The following CACNA1C variants were observed in gnomAD, a reference collection of about 807,000 sequenced individuals.
CACNA1C encodes the protein calcium voltage-gated channel subunit alpha1 C.
In CACNA1C, 30 loss-of-function variants were observed where a neutral mutation model predicts 229.0. The ratio of observed to expected loss-of-function variants is 0.13; its 90% CI spans 0.10 to 0.18. CACNA1C has a LOEUF of 0.18. Among genes scored for constraint, CACNA1C ranks in the 10% least tolerant of loss-of-function variants. CACNA1C has a pLI of 1.00. For synonymous variants in CACNA1C, 1,114 were observed against 1,132.5 expected, an observed-to-expected ratio of 0.98 and a Z score of 0.33; for missense variants, 1,658 against 2,845.0, an observed-to-expected ratio of 0.58 and a Z score of 9.49.
At chr12:2,583,030 G>C in intron 15 of CACNA1C, 88 bp downstream of exon 15, 1 of 978,226 alleles carries the variant, frequency 1.0e-6, no homozygotes, top group Non-Finnish European at 1.6e-6. Context: ...TCAGGTCCGG[G>C]CGGTCCTGCT....
chr12:2,157,007 CAATT>C (rs1385462862), intron 3 of CACNA1C, among the ~76,000 whole-genome samples: 12 of 152,134 alleles, frequency 7.9e-5, no homozygotes, highest in Admixed American at 7.9e-4. Context: ...AATTGAGACA[CAATT>C]AAACTTGCAG....
chr12:2,286,581 G>A (rs1457898480), intron 3 of CACNA1C, among the ~76,000 whole-genome samples: 1 of 152,178 alleles, frequency 6.6e-6, no homozygotes, highest in Non-Finnish European at 1.5e-5. Flanking sequence ...AGGTCTGTGA[G>A]GTTCATTCGG....
At chr12:2,194,250 GCCTCCTCCTCCTCCT>G (rs56198094) in intron 3 of CACNA1C, among the ~76,000 whole-genome samples, 1 of 133,678 alleles carries the variant, frequency 7.5e-6, no homozygotes, top group East Asian at 2.2e-4. Flanking sequence ...CTCCTCCACT[GCCTCCTCCTCCTCCT>G]CCTCCTCCTC....
In CACNA1C at chr12:2,021,373, G is replaced by A. The variant is rs551845499; in HGVS notation, c.139+50172G>A. 1.1e-4 allele frequency among the ~76,000 whole-genome samples: 16 copies of A among 152,200 alleles called. No homozygotes were observed. The South Asian group carries it at 3.3e-3, about 32-fold the overall frequency. ...TGCTATACCAGAAACCCGAGACTGG[G>A]TAATTTATAAAGACACTCATTTTTG... is the stretch of plus-strand genomic sequence containing the variant. On this transcript the variant is annotated intron_variant, in intron 1 of 46. Coordinates refer to the CACNA1C transcript ENST00000682462.
At chr12:2,416,605 T>C (rs978782944) in intron 3 of CACNA1C, among the ~76,000 whole-genome samples, 1 of 152,214 alleles carries the variant, frequency 6.6e-6, no homozygotes, top group Non-Finnish European at 1.5e-5. Flanking sequence ...CTCCAGACTC[T>C]GGGCTCAACC....
chr12:2,667,252 C>CA (rs61127879), intron 37 of CACNA1C, among the ~76,000 whole-genome samples: 12 of 151,870 alleles, frequency 7.9e-5, no homozygotes, highest in Non-Finnish European at 1.5e-4. Flanking sequence ...GTGTCGTTTC[C>CA]TTTTCTCCCT....
chr12:2,055,865 G>T (rs1425348760), intron 1 of CACNA1C, among the ~76,000 whole-genome samples: 2 of 152,198 alleles, frequency 1.3e-5, no homozygotes, highest in Non-Finnish European at 2.9e-5. Flanking sequence ...TGCCGAGGTT[G>T]TTGGGGTAGG....
chr12:2,671,090 C>A (rs2153738601), intron 38 of CACNA1C, among the ~76,000 whole-genome samples: 1 of 151,666 alleles, frequency 6.6e-6, no homozygotes, highest in East Asian at 2.0e-4. Flanking sequence ...TCTCGGCCTG[C>A]TGCAACCTCT....
intron 1 of CACNA1C, among the ~76,000 whole-genome samples, chr12:2,030,789 A>G (rs1317890455): frequency 6.6e-6 from 1 of 152,242 alleles, no homozygotes; most frequent in Non-Finnish European, 1.5e-5. Context: ...CACATTCCAC[A>G]GGCCTGAAGG....
chr12:2,262,846 C>T (rs1382325567), intron 3 of CACNA1C, among the ~76,000 whole-genome samples: 1 of 152,168 alleles, frequency 6.6e-6, no homozygotes, highest in African/African-American at 2.4e-5. Context: ...AGCTACTATT[C>T]AGTCAACAAA....
Position 2,410,242 on chromosome 12 carries a change from G to A in CACNA1C, c.478-38734G>A, listed in dbSNP as rs1156440378. On this transcript the variant is annotated intron_variant, in intron 3 of 46. Coordinates refer to ENST00000399655, the MANE Select transcript of CACNA1C (RefSeq NM_000719.7). This position sits in a 1 kb window ranked among gnomAD's most constrained non-coding sequence, Gnocchi z 5.3. ...TGATGCCTATGGCGACCGCAGAATC[G>A]ACCTCAACGAGCTCGTCGCCGGGCA... Among the ~76,000 whole-genome samples the A allele has an allele frequency of 2.0e-5, 3 of 152,088 alleles. No homozygotes were observed. Among genetic ancestry groups the A allele is most frequent in the Middle Eastern group, 3.2e-3 (1 of 316 alleles).
At chr12:2,506,157 G>T (rs553703030) in intron 8 of CACNA1C, among the ~76,000 whole-genome samples, 2 of 152,288 alleles carry the variant, frequency 1.3e-5, no homozygotes, top group African/African-American at 4.8e-5. Context: ...CTTTTGCTAA[G>T]GTGAGGCCAC....
At chr12:2,170,286 A>G (rs2096421753) in intron 3 of CACNA1C, among the ~76,000 whole-genome samples, 3 of 152,200 alleles carry the variant, frequency 2.0e-5, no homozygotes, top group African/African-American at 7.2e-5. Flanking sequence ...GATCAGGGTT[A>G]TGAAAAAAGG....
chr12:2,163,147 G>A (rs190440789), intron 3 of CACNA1C, among the ~76,000 whole-genome samples: 2 of 148,728 alleles, frequency 1.3e-5, no homozygotes, highest in Non-Finnish European at 1.5e-5. Context: ...ACCGTGAGCC[G>A]AGCCGAGATC....
chr12:2,067,447 C>T lies in CACNA1C; in HGVS notation c.49+13836C>T, dbSNP rs1020445665. Among the ~76,000 whole-genome samples the T allele has an allele frequency of 7.3e-5, 4 of 54,716 alleles. No homozygotes were observed. The highest frequency in any genetic ancestry group is 2.4e-4 in the African/African-American group (4 of 16,640). 35.9% of individuals were successfully genotyped at this position (54,716 alleles called of 152,430 possible). A position where few individuals can be genotyped will look rare whatever the true frequency, so the allele number is the denominator to read the frequency against. On this transcript the variant is annotated intron_variant, in intron 1 of 46. Coordinates refer to ENST00000399655, the MANE Select transcript of CACNA1C (RefSeq NM_000719.7). The surrounding 1 kb of genome is among the most constrained non-coding windows in gnomAD (Gnocchi z 5.3). ...GGGCTTAGGACTGTGGACTAGGATG[C>T]ACGTGTGTGTGTGTGTGTGTGTGTG...
intron 3 of CACNA1C, among the ~76,000 whole-genome samples, chr12:2,388,594 G>T (rs1007717901): frequency 6.6e-6 from 1 of 152,330 alleles, no homozygotes; most frequent in Admixed American, 6.5e-5. Context: ...TGTGGAGTTT[G>T]CAGTGCCTAT....
At chr12:2,454,359 C>T (rs1283365591) in intron 4 of CACNA1C, among the ~76,000 whole-genome samples, 5 of 152,164 alleles carry the variant, frequency 3.3e-5, no homozygotes, top group Non-Finnish European at 7.4e-5. Context: ...CCAAATCTAA[C>T]ATCCTACCCT....
chr12:2,316,402 G>A (rs528902426), intron 3 of CACNA1C, among the ~76,000 whole-genome samples: 3 of 152,362 alleles, frequency 2.0e-5, no homozygotes, highest in African/African-American at 4.8e-5. Flanking sequence ...ACGTTCAAGA[G>A]TGTAGGCTTT....
At chr12:2,588,810 G>A (rs1199048679) in intron 18 of CACNA1C, among the ~76,000 whole-genome samples, 1 of 152,184 alleles carries the variant, frequency 6.6e-6, no homozygotes, top group Non-Finnish European at 1.5e-5. Flanking sequence ...TAATTTATTT[G>A]AGTGAGCATG....
Sources: gnomAD v4.1 joint callset for allele counts (sites outside exome capture counted in the v4.1 genomes callset) on GRCh38, gnomAD v4.1.1 for gene constraint, Gnocchi (gnomAD v3.1) non-coding constraint, MANE v1.5 for transcripts, NCBI Gene and HGNC (gene_info 2026-07-23, HGNC 2026-07-21) for gene names.